Variants in EPS8L2 observed in about 807,000 individuals in gnomAD.
EPS8L2 encodes EPS8 signaling adaptor L2, also known as epidermal growth factor receptor kinase substrate 8-like protein 2.
Under a neutral mutation model 99.4 loss-of-function variants are expected in EPS8L2, and 81 were observed. The observed-to-expected ratio is 0.82, with a 90% confidence interval of 0.68 to 0.98. The LOEUF is 0.98. Among genes scored for constraint, EPS8L2 ranks in the 50% least tolerant of loss-of-function variants. The probability of loss-of-function intolerance (pLI) is 0.00; values close to 1 mark genes in which losing one functional copy is unlikely to be tolerated. For synonymous variants in EPS8L2, 509 were observed against 407.3 expected (o/e 1.25, Z -3.01); for missense variants, 1,155 against 968.8 (o/e 1.19, Z -2.55).
Position 726,149 on chromosome 11 carries a change from A to G in EPS8L2, c.1732A>G (p.Ser578Gly). The G allele has an allele frequency of 5.6e-6, 9 of 1,608,848 alleles. No homozygotes were observed. Among genetic ancestry groups the G allele is most frequent in the Non-Finnish European group, 7.6e-6 (9 of 1,178,174 alleles). Residue 578 changes from serine (S) to glycine (G), a missense_variant, in exon 18 of 21, where the codon AGC becomes GGC. Physicochemically the swap from Ser to Gly is moderately conservative, Grantham distance 56 (BLOSUM62 0). Coordinates refer to ENST00000318562, the MANE Select transcript of EPS8L2 (RefSeq NM_022772.4). ...CAGCCCGACCCACAAGCTACCCCCA[A>G]GCTTCCCGGGGAACAAAGACGGTGA... is the stretch of plus-strand genomic sequence containing the variant. ...PASPTHKLPPSFPGNKDELMQ... is the reference protein window; with the variant it reads ...PASPTHKLPPGFPGNKDELMQ...
In EPS8L2 at chr11:709,165, C is replaced by CGTGGGGCCAACTGGGAT. The variant is rs1295646857; in HGVS notation, c.-78-149_-78-148insTGTGGGGCCAACTGGGA. Reference sequence around the variant, plus strand: ...GAGGCTGATCGACTGTCAACTGGGACGTGGGGCCAACTGGGACGTGGGGCC... The same window carrying CGTGGGGCCAACTGGGAT: ...GAGGCTGATCGACTGTCAACTGGGACGTGGGGCCAACTGGGATGTGGGGCCAACTGGGACGTGGGGCC... On this transcript the variant is annotated intron_variant, in intron 1 of 20. Coordinates refer to ENST00000318562, the MANE Select transcript of EPS8L2 (RefSeq NM_022772.4). The CGTGGGGCCAACTGGGAT allele has an allele frequency of 1.6e-4, 90 of 572,926 alleles. No homozygotes were observed. The East Asian group carries it at 2.3e-3, about 14-fold the overall frequency. The allele number at this position is 572,926 out of a possible 1,614,324, so 35.5% of individuals were successfully genotyped here. A position where few individuals can be genotyped will look rare whatever the true frequency, so the allele number is the denominator to read the frequency against.
intron 4 of EPS8L2, among the ~76,000 whole-genome samples, chr11:713,007 C>T (rs1346200228): frequency 6.6e-6 from 1 of 151,888 alleles, no homozygotes; most frequent in Non-Finnish European, 1.5e-5. Context: ...CTGGCCTGGC[C>T]CCCAGCCAGC....
At chr11:712,905 G>T (rs1861927785) in intron 4 of EPS8L2, among the ~76,000 whole-genome samples, 1 of 152,230 alleles carries the variant, frequency 6.6e-6, no homozygotes, top group South Asian at 2.1e-4. Flanking sequence ...CCTCTTCCTG[G>T]GCAGCTCCAC....
chr11:707,018 C>A (rs1861741863), intron 1 of EPS8L2, among the ~76,000 whole-genome samples: 1 of 151,996 alleles, frequency 6.6e-6, no homozygotes, highest in Non-Finnish European at 1.5e-5. Context: ...GAGGGGGAGG[C>A]AGGGCCGGGC....
chr11:726,258 G>C, intron 18 of EPS8L2, 46 bp from the exon 19 acceptor site: 3 of 1,580,092 alleles, frequency 1.9e-6, no homozygotes, highest in Non-Finnish European at 2.6e-6. Context: ...CCGGGGGCGG[G>C]GGCAGGGGCA....
chr11:712,730 A>G (rs1478282581), intron 4 of EPS8L2, among the ~76,000 whole-genome samples: 1 of 152,220 alleles, frequency 6.6e-6, no homozygotes, highest in African/African-American at 2.4e-5. Flanking sequence ...AATGGGTCCA[A>G]AGAGCCATCA....
Position 715,025 on chromosome 11 carries a change from A to G in EPS8L2, c.165+4539A>G, listed in dbSNP as rs553924064. ...TGGGAGGCTGAGGTGGGCAGATCAC[A>G]AGGTCAGGAGATCAAGACCATTCTG... is the stretch of plus-strand genomic sequence containing the variant. On this transcript the variant is annotated intron_variant, in intron 4 of 20. Coordinates refer to ENST00000318562, the MANE Select transcript of EPS8L2 (RefSeq NM_022772.4). Among the ~76,000 whole-genome samples, 142 of 152,126 alleles carry G rather than the reference A, an allele frequency of 9.3e-4. 1 individual carries two copies. Among genetic ancestry groups the G allele is most frequent in the East Asian group, 8.5e-3 (44 of 5,170 alleles).
rs996096959 is a variant in EPS8L2, at chr11:725,719, G to T, written c.1561-9G>T. 1 of 1,314,122 alleles carries T rather than the reference G, an allele frequency of 7.6e-7. No homozygotes were observed. 81.4% of individuals were successfully genotyped at this position (1,314,122 alleles called of 1,614,324 possible). A position where few individuals can be genotyped will look rare whatever the true frequency, so the allele number is the denominator to read the frequency against. On this transcript the variant is annotated splice_polypyrimidine_tract_variant and intron_variant, in intron 16 of 20. Coordinates refer to ENST00000318562, the MANE Select transcript of EPS8L2 (RefSeq NM_022772.4). ...GGGTGTGGGGAGGGGCTGACGGCGC[G>T]CCCCGCAGGTGCTGGAGGACGGCCG... is the stretch of plus-strand genomic sequence containing the variant.
At chr11:712,357 C>T (rs1036353654) in intron 4 of EPS8L2, among the ~76,000 whole-genome samples, 1 of 151,404 alleles carries the variant, frequency 6.6e-6, no homozygotes, top group Non-Finnish European at 1.5e-5. Flanking sequence ...AGCCTGGGTG[C>T]GAGCTGGGCT....
intron 4 of EPS8L2, among the ~76,000 whole-genome samples, chr11:714,621 TA>T (rs1439397328): frequency 6.7e-6 from 1 of 149,042 alleles, no homozygotes; most frequent in Non-Finnish European, 1.5e-5. Context: ...TTATTTTATT[TA>T]TTTTTTTATT....
intron 17 of EPS8L2, 85 bp from the exon 18 acceptor site, chr11:726,013 G>T (rs1323026754): frequency 7.6e-7 from 1 of 1,313,876 alleles, no homozygotes. Flanking sequence ...GGCTGTAGGG[G>T]GATTGGCGGG....
At chr11:718,004 G>A (rs1303435447) in intron 4 of EPS8L2, among the ~76,000 whole-genome samples, 4 of 145,642 alleles carry the variant, frequency 2.7e-5, no homozygotes, top group South Asian at 2.2e-4. Flanking sequence ...GTGAGACTCC[G>A]TTTCAAAAAA....
In EPS8L2 at chr11:726,731, A is replaced by G. The variant is rs879145256; in HGVS notation, c.2047A>G (p.Met683Val). 2 of 1,595,428 alleles carry G rather than the reference A, an allele frequency of 1.3e-6. No homozygotes were observed. Among genetic ancestry groups the G allele is most frequent in the South Asian group, 2.3e-5 (2 of 88,082 alleles). ...CGTCCGCGTGTACAGCCAGCTCACC[A>G]TGCAGAAGGCCTTCCTGGAGGTGAG... ...EGVRVYSQLT[M>V]QKAFLEKQQS... The change falls in exon 20 of 21, where the codon ATG becomes GTG. Residue 683 changes from methionine to valine, a missense_variant. Physicochemically the swap from Met to Val is conservative, Grantham distance 21. Coordinates refer to ENST00000318562, the MANE Select transcript of EPS8L2 (RefSeq NM_022772.4).
At chr11:726,040 C>G in intron 17 of EPS8L2, 58 bp from the exon 18 acceptor site, 1 of 1,308,186 alleles carries the variant, frequency 7.6e-7, no homozygotes, top group Non-Finnish European at 1.1e-6. Context: ...AGGTCCCGGG[C>G]AGGTGCTGGG....
chr11:710,261 G>T (rs1424663378), intron 3 of EPS8L2, 161 bp from the exon 4 acceptor site: 31 of 657,420 alleles, frequency 4.7e-5, no homozygotes, highest in Non-Finnish European at 7.6e-5. Context: ...GGGGCTTCCT[G>T]CAGGTCCTGA....
At chr11:723,184 C>T (rs1353273363) in intron 14 of EPS8L2, 57 bp from the exon 15 acceptor site, 21 of 863,616 alleles carry the variant, frequency 2.4e-5, no homozygotes, top group Admixed American at 4.3e-5. Flanking sequence ...TATGCCCCCT[C>T]GTCCTGGGAC....
At chr11:714,669 ATT>A (rs1861972376) in intron 4 of EPS8L2, among the ~76,000 whole-genome samples, 24 of 80,918 alleles carry the variant, frequency 3.0e-4, no homozygotes, top group African/African-American at 8.4e-4. Flanking sequence ...ATTTTATTTT[ATT>A]TTATTTTTTT....
At chr11:726,241 C>A in intron 18 of EPS8L2, 63 bp from the exon 19 acceptor site, 1 of 1,556,248 alleles carries the variant, frequency 6.4e-7, no homozygotes, top group Non-Finnish European at 8.7e-7. Context: ...TGGGGGGGGT[C>A]CCTGGGCCGG....
At position 716,204 on chromosome 11, in the gene EPS8L2, A is replaced by G. The variant is rs555918472; in HGVS notation, c.166-3858A>G. 2.7e-5 allele frequency among the ~76,000 whole-genome samples: 4 copies of G among 149,940 alleles called. No homozygotes were observed. In the South Asian group the frequency reaches 8.4e-4, roughly 32 times the overall value. On this transcript the variant is annotated intron_variant, in intron 4 of 20. Coordinates refer to ENST00000318562, the MANE Select transcript of EPS8L2 (RefSeq NM_022772.4). ...CGCTCTGTCACCCAGGCTGGAGTGC[A>G]GTGGCACCATCTCAGCTCACAGCAA...
Sources: allele counts gnomAD v4.1 joint callset (sites outside exome capture counted in the v4.1 genomes callset), GRCh38; gene constraint gnomAD v4.1.1; transcripts MANE v1.5; gene names NCBI Gene and HGNC (gene_info 2026-07-23, HGNC 2026-07-21).